Variants in NUP153 observed in about 807,000 individuals in gnomAD.
NUP153 encodes the protein nuclear pore complex protein Nup153.
Under a neutral mutation model 134.6 loss-of-function variants are expected in NUP153, and 27 were observed. The observed-to-expected ratio is 0.20, with a 90% CI of 0.15 to 0.28. The LOEUF (loss-of-function observed/expected upper bound fraction) is 0.28, where lower values mean the gene tolerates loss of function less well. NUP153 is among the 10% of genes least tolerant of loss of function. The pLI, the probability that NUP153 is intolerant of heterozygous loss-of-function variation, is 1.00. For missense variants in NUP153, 1,821 were observed against 1,731.3 expected (o/e 1.05, Z -0.92); for synonymous variants, 640 against 623.5 (o/e 1.03, Z -0.40).
At chr6:17,655,444 TA>T (rs1766756826) in intron 11 of NUP153, among the ~76,000 whole-genome samples, 1 of 143,766 alleles carries the variant, frequency 7.0e-6, no homozygotes, top group East Asian at 2.2e-4. Flanking sequence ...AAAATAACTT[TA>T]ATCTTATTAT....
chr6:17,651,575 C>T (rs1766495166), intron 11 of NUP153, among the ~76,000 whole-genome samples: 3 of 152,048 alleles, frequency 2.0e-5, no homozygotes, highest in Admixed American at 1.3e-4. Flanking sequence ...CATGGACAGG[C>T]TCAAAGTATA....
At chr6:17,662,262 A>T (rs1172928202) in intron 9 of NUP153, among the ~76,000 whole-genome samples, 192 bp from the exon 10 acceptor site, 2 of 152,192 alleles carry the variant, frequency 1.3e-5, no homozygotes, top group Non-Finnish European at 2.9e-5. Context: ...TATATATATG[A>T]AAAATGTCAG....
At chr6:17,642,689 A>G (rs1457168002) in intron 14 of NUP153, among the ~76,000 whole-genome samples, 2 of 152,238 alleles carry the variant, frequency 1.3e-5, no homozygotes, top group Admixed American at 6.5e-5. Context: ...TCCTAGGCAC[A>G]TATGAAAAAG....
intron 13 of NUP153, 83 bp from the exon 14 acceptor site, chr6:17,646,237 T>A: frequency 1.5e-6 from 1 of 672,278 alleles, no homozygotes; most frequent in African/African-American, 1.9e-5. Context: ...AGACGGAGTC[T>A]TACTCTGTCG....
At chr6:17,687,260 T>C (rs1363232107) in intron 2 of NUP153, among the ~76,000 whole-genome samples, 1 of 152,154 alleles carries the variant, frequency 6.6e-6, no homozygotes, top group Non-Finnish European at 1.5e-5. Flanking sequence ...GCTGTGGATA[T>C]ACTAGAACTC....
chr6:17,617,449 A>C (rs1172130725), intron 20 of NUP153, among the ~76,000 whole-genome samples: 1 of 135,916 alleles, frequency 7.4e-6, no homozygotes, highest in African/African-American at 2.7e-5. Context: ...TATGGAAGTG[A>C]GGATGTAGTG....
In NUP153 at chr6:17,616,571, C is replaced by T. The variant is rs563893774; in HGVS notation, c.4299G>A (p.Ser1433=). The T allele has an allele frequency of 2.0e-5, 33 of 1,614,104 alleles. No homozygotes were observed. The East Asian group carries it at 2.9e-4, about 14-fold the overall frequency. The change falls in exon 21 of 22, where the codon TCG becomes TCA. Residue 1433 remains serine (S), a synonymous_variant. Coordinates refer to ENST00000262077, the MANE Select transcript of NUP153 (RefSeq NM_005124.4). ...TPAASAQPSG[S]GGFPFNQSPA... ...GAGACTGGTTAAATGGAAAGCCCCC[C>T]GAGCCTGAAGGCTGGGCTGAGGCTG...
intron 20 of NUP153, among the ~76,000 whole-genome samples, chr6:17,617,956 C>A (rs184034702): frequency 6.6e-5 from 10 of 152,182 alleles, no homozygotes; most frequent in Admixed American, 6.5e-4. Flanking sequence ...TGGGAGACAC[C>A]ACATACAGTT....
chr6:17,696,562 T>C (rs1769657363), intron 1 of NUP153, among the ~76,000 whole-genome samples: 1 of 152,108 alleles, frequency 6.6e-6, no homozygotes, highest in African/African-American at 2.4e-5. Flanking sequence ...GAGACCATCC[T>C]GGCTAACACG....
chr6:17,706,295 C>T lies in NUP153; in HGVS notation c.93G>A (p.Gln31=). 6.2e-7 allele frequency: 1 copy of T among 1,613,628 alleles called. No individual in the cohort carries two copies. Among genetic ancestry groups the T allele is most frequent in the Non-Finnish European group, 8.5e-7 (1 of 1,179,676 alleles). Residue 31 remains glutamine, a synonymous_variant, in exon 1 of 22, where the codon CAG becomes CAA. Transcript: ENST00000262077. This position sits in a 1 kb window ranked among gnomAD's most constrained non-coding sequence, Gnocchi z 5.9. ...CHQGPIKPYQ[Q]GRQQHQGILS... ...CCCATACCTGATGCTGTTGTCGCCC[C>T]TGCTGGTAAGGCTTAATTGGCCCCT...
rs759121267 is a variant in NUP153, at chr6:17,616,520, C to A, written c.4343+7G>T. The A allele has an allele frequency of 1.5e-5, 24 of 1,597,442 alleles. No individual in the cohort carries two copies. The highest frequency in any genetic ancestry group is 3.6e-5 in the Admixed American group (2 of 56,032). ...AACTTCTCCATTTCAATAAAAAATT[C>A]TCTTACCCCACTGTAAATGCTGCTG... On this transcript the variant is annotated splice_region_variant and intron_variant, in intron 21 of 21. Coordinates refer to ENST00000262077, the MANE Select transcript of NUP153 (RefSeq NM_005124.4).
At chr6:17,640,712 G>A (rs928363257) in intron 14 of NUP153, among the ~76,000 whole-genome samples, 3 of 152,124 alleles carry the variant, frequency 2.0e-5, no homozygotes, top group Admixed American at 6.5e-5. Flanking sequence ...AAACTCCTGG[G>A]CTTAAGCAAT....
chr6:17,634,213 C>G (rs1374275517), intron 16 of NUP153, among the ~76,000 whole-genome samples: 1 of 152,144 alleles, frequency 6.6e-6, no homozygotes, highest in Non-Finnish European at 1.5e-5. Flanking sequence ...CTGAAGCAAC[C>G]AGTGCCATGT....
At position 17,696,647 on chromosome 6, in the gene NUP153, C is replaced by T. The variant is rs542669212; in HGVS notation, c.112-8029G>A. Among the ~76,000 whole-genome samples, 12 of 152,122 alleles carry T rather than the reference C, an allele frequency of 7.9e-5. No individual in the cohort carries two copies. The East Asian group carries it at 1.5e-3, about 20-fold the overall frequency. On this transcript the variant is annotated intron_variant, in intron 1 of 21. Coordinates refer to ENST00000262077, the MANE Select transcript of NUP153 (RefSeq NM_005124.4). ...GTGGATGCCTGTAGTCCCAGCTCCT[C>T]GGGAGGCTGAGGCAGGAGAATGGCG...
Position 17,688,421 on chromosome 6 carries a change from A to C in NUP153, c.309T>G (p.Pro103=). The change falls in exon 2 of 22, where the codon CCT becomes CCG. Residue 103 remains proline (P), a synonymous_variant. Transcript: ENST00000262077. ...SSNITDGRIT[P]EPAVSNTEEP... is the part of the protein sequence containing the mutation. ...CTTCTGTATTACTGACTGCTGGCTC[A>C]GGTGTGATTCTCCCATCAGTAATAT... 1 of 1,613,918 alleles carries C rather than the reference A, an allele frequency of 6.2e-7. No homozygotes were observed. Among genetic ancestry groups the C allele is most frequent in the Non-Finnish European group, 8.5e-7 (1 of 1,179,772 alleles).
intron 17 of NUP153, among the ~76,000 whole-genome samples, chr6:17,630,742 AGGGGAGAAGG>A (rs1765204334): frequency 1.1e-5 from 1 of 92,098 alleles, no homozygotes; most frequent in African/African-American, 4.1e-5. Flanking sequence ...GGGAGAGGGG[AGGGGAGAAGG>A]GAGGGGAGAG....
intron 8 of NUP153, among the ~76,000 whole-genome samples, chr6:17,668,250 T>C (rs1767670486): frequency 1.3e-5 from 2 of 151,798 alleles, no homozygotes; most frequent in African/African-American, 2.4e-5. Flanking sequence ...TAATTTTTTT[T>C]TGTATTTTTA....
intron 21 of NUP153, 109 bp from the exon 22 acceptor site, chr6:17,616,290 G>GGGGGGGGGGGGCCCCC: frequency 6.3e-6 from 3 of 473,796 alleles, no homozygotes; most frequent in Non-Finnish European, 1.2e-5. Context: ...GGTGGGGGGG[G>GGGGGGGGGGGGCCCCC]AGTAGACTCA....
At chr6:17,653,924 C>T (rs1223853693) in intron 11 of NUP153, among the ~76,000 whole-genome samples, 3 of 152,190 alleles carry the variant, frequency 2.0e-5, no homozygotes, top group Non-Finnish European at 4.4e-5. Flanking sequence ...AAATATTTAA[C>T]TCTACTTCAC....
Sources: allele counts gnomAD v4.1 joint callset (sites outside exome capture counted in the v4.1 genomes callset), GRCh38; gene constraint gnomAD v4.1.1; non-coding constraint Gnocchi (gnomAD v3.1); transcripts MANE v1.5; gene names NCBI Gene and HGNC (gene_info 2026-07-23, HGNC 2026-07-21).